RANBP2: variants seen among roughly 807,000 people sequenced by gnomAD.
RANBP2 encodes RAN binding protein 2.
In RANBP2, 57 loss-of-function variants were observed where a neutral mutation model predicts 303.6. The observed-to-expected ratio is 0.19, with a 90% CI of 0.15 to 0.23. The LOEUF is 0.23. Among genes scored for constraint, RANBP2 ranks in the 10% least tolerant of loss-of-function variants. The pLI is 1.00. For synonymous variants in RANBP2, 1,167 were observed against 1,301.5 expected (o/e 0.90, Z 2.23); for missense variants, 3,138 against 3,780.8 (o/e 0.83, Z 4.46).
the RANBP2 span, among the ~76,000 whole-genome samples, chr2:109,364,408 G>A: frequency 6.6e-6 from 1 of 152,306 alleles, no homozygotes; most frequent in African/African-American, 2.4e-5. Context: ...CCCTTAGTAT[G>A]TGAATCATAG....
In RANBP2 at chr2:108,771,776, C is replaced by G. The variant is rs777561258; in HGVS notation, c.7925C>G (p.Ala2642Gly). 1 of 1,613,894 alleles carries G rather than the reference C, an allele frequency of 6.2e-7. No individual in the cohort carries two copies. Among genetic ancestry groups the G allele is most frequent in the African/African-American group, 1.3e-5 (1 of 74,926 alleles). The stretch of plus-strand genomic sequence containing the variant: ...ATTGTATATGAACTAACTCCAACCG[C>G]TGAGCAGAAAGCCCTTGCAACCAAA... ...VLIVYELTPT[A>G]EQKALATKLK... Residue 2642 changes from alanine (A) to glycine (G), a missense_variant, in exon 21 of 29, where the codon GCT (alanine) becomes GGT (glycine). By Grantham distance (60) the Ala-to-Gly change is moderately conservative. This residue lies in a region of RANBP2 where 497 missense variants were observed against 465.8 expected (regional missense o/e 1.07). Transcript: ENST00000283195.
the RANBP2 span, among the ~76,000 whole-genome samples, chr2:109,239,537 G>C: frequency 6.6e-6 from 1 of 152,160 alleles, no homozygotes. Flanking sequence ...TTGACTCTGC[G>C]GTCCGATGAG....
the RANBP2 span, chr2:108,884,702 A>G: frequency 1.3e-5 from 2 of 152,112 alleles, no homozygotes; most frequent in African/African-American, 2.4e-5. Context: ...CCTTTTCGAG[A>G]TTGTGTCCTC....
chr2:109,305,536 G>A, the RANBP2 span, among the ~76,000 whole-genome samples: 4 of 152,182 alleles, frequency 2.6e-5, no homozygotes, highest in Admixed American at 1.3e-4. Flanking sequence ...CAGAAGTGCT[G>A]TGTGGAAATT....
chr2:108,786,069 A>C (rs1187855278), downstream of RANBP2, among the ~76,000 whole-genome samples: 1 of 152,028 alleles, frequency 6.6e-6, no homozygotes, highest in Non-Finnish European at 1.5e-5. Context: ...TTTCAGGTTG[A>C]TGTATACTAT....
the RANBP2 span, chr2:108,912,529 G>A: frequency 1.3e-6 from 1 of 763,092 alleles, no homozygotes; most frequent in Non-Finnish European, 2.3e-6. Context: ...TGCACGGGGG[G>A]CAACATGTCA....
At chr2:109,280,229 G>A in the RANBP2 span, among the ~76,000 whole-genome samples, 1 of 152,216 alleles carries the variant, frequency 6.6e-6, no homozygotes. Context: ...ACACCTGGCT[G>A]TGGAGAAGCA....
At chr2:109,428,017 T>TA in the RANBP2 span, among the ~76,000 whole-genome samples, 2 of 152,212 alleles carry the variant, frequency 1.3e-5, no homozygotes, top group Admixed American at 6.5e-5. Context: ...CCACAGGACT[T>TA]ACCCAGCCCT....
chr2:108,852,682 A>G, the RANBP2 span, among the ~76,000 whole-genome samples: 4 of 152,324 alleles, frequency 2.6e-5, no homozygotes, highest in Non-Finnish European at 4.4e-5. Flanking sequence ...GTTCTCATTT[A>G]TAAGTGGGAG....
the RANBP2 span, among the ~76,000 whole-genome samples, chr2:109,402,505 G>A: frequency 6.6e-6 from 1 of 152,224 alleles, no homozygotes; most frequent in Non-Finnish European, 1.5e-5. Flanking sequence ...ACGTGGAGTG[G>A]ACAGAGCAGG....
chr2:109,043,544 A>C, the RANBP2 span, among the ~76,000 whole-genome samples: 1 of 152,180 alleles, frequency 6.6e-6, no homozygotes, highest in Admixed American at 6.5e-5. Context: ...TATGTTGGCC[A>C]GGCTGATCTC....
At chr2:109,531,324 C>T in the RANBP2 span, among the ~76,000 whole-genome samples, 8 of 152,276 alleles carry the variant, frequency 5.3e-5, 1 homozygote, top group East Asian at 1.9e-4. Context: ...GGGCTCAGGA[C>T]GTGGTATGTG....
the RANBP2 span, among the ~76,000 whole-genome samples, chr2:109,697,629 TG>T: frequency 2.0e-5 from 3 of 152,200 alleles, no homozygotes; most frequent in Non-Finnish European, 2.9e-5. Flanking sequence ...GTATCTTTTT[TG>T]TAACTTCTTT....
At chr2:108,938,446 GT>G in the RANBP2 span, among the ~76,000 whole-genome samples, 1 of 152,232 alleles carries the variant, frequency 6.6e-6, no homozygotes, top group Non-Finnish European at 1.5e-5. Context: ...ATTTCCCGCA[GT>G]TTGTGGTGCT....
At chr2:109,080,267 G>A in the RANBP2 span, among the ~76,000 whole-genome samples, 78 of 147,578 alleles carry the variant, frequency 5.3e-4, no homozygotes, top group African/African-American at 1.8e-3. Context: ...GAGGGCAGCA[G>A]TTTGAGTGGC....
At chr2:109,608,749 A>G in the RANBP2 span, among the ~76,000 whole-genome samples, 1 of 152,230 alleles carries the variant, frequency 6.6e-6, no homozygotes, top group Non-Finnish European at 1.5e-5. Flanking sequence ...AAAATCCTTA[A>G]ATCAGTAGTA....
In RANBP2 at chr2:108,736,147, A is replaced by T. The variant is rs1695564171; in HGVS notation, c.680A>T (p.Asp227Val). The T allele has an allele frequency of 6.2e-7, 1 of 1,611,818 alleles. No homozygotes were observed. The highest frequency in any genetic ancestry group is 8.5e-7 in the Non-Finnish European group (1 of 1,179,836). ...SLQCLESDKS[D>V]WRATNTDLLL... ...CAGTGTTTGGAGTCTGATAAAAGTGACTGGCGAGCAACCAATACAGACTTA... is the reference window on the plus strand; with the variant it reads ...CAGTGTTTGGAGTCTGATAAAAGTGTCTGGCGAGCAACCAATACAGACTTA... The change falls in exon 6 of 29, where the codon GAC becomes GTC. Residue 227 changes from aspartate to valine, a missense_variant. Asp to Val is a radical substitution (Grantham distance 152, BLOSUM62 -3). Transcript: ENST00000283195.
At chr2:108,967,088 C>T in the RANBP2 span, among the ~76,000 whole-genome samples, 1 of 152,194 alleles carries the variant, frequency 6.6e-6, no homozygotes, top group African/African-American at 2.4e-5. Flanking sequence ...GCACCCGCTA[C>T]CATGCCAGGC....
At chr2:109,559,479 C>G in the RANBP2 span, among the ~76,000 whole-genome samples, 2 of 152,180 alleles carry the variant, frequency 1.3e-5, no homozygotes, top group Non-Finnish European at 2.9e-5. Flanking sequence ...AAGAATCTCC[C>G]TTTCTAATTT....
Sources: gnomAD v4.1 joint callset for allele counts (sites outside exome capture counted in the v4.1 genomes callset) on GRCh38, gnomAD v4.1.1 for gene constraint, gnomAD v4.1.1 regional missense constraint, MANE v1.5 for transcripts, NCBI Gene and HGNC (gene_info 2026-07-23, HGNC 2026-07-21) for gene names.